The following ADAMTSL1 variants were observed in gnomAD, a reference collection of about 807,000 sequenced individuals.
The protein encoded by ADAMTSL1 is ADAMTS-like protein 1.
A neutral mutation model predicts 201.8 loss-of-function variants in ADAMTSL1; 126 were observed. That is an observed-to-expected ratio of 0.62 (90% CI 0.54 to 0.72). The LOEUF is 0.72. Ranked by LOEUF, ADAMTSL1 falls within the 30% of genes least tolerant of loss-of-function variation. ADAMTSL1 has a pLI of 0.00. For missense variants in ADAMTSL1, 2,679 were observed against 2,277.8 expected (o/e 1.18, Z -3.59); for synonymous variants, 1,121 against 903.4 (o/e 1.24, Z -4.32).
At chr9:17,932,734 G>C (rs539938703) in intron 1 of ADAMTSL1, among the ~76,000 whole-genome samples, 1 of 152,130 alleles carries the variant, frequency 6.6e-6, no homozygotes, top group African/African-American at 2.4e-5. Flanking sequence ...TTTTCATTTT[G>C]AATACAGTGA....
At chr9:18,716,601 A>T (rs1832954907) in intron 14 of ADAMTSL1, among the ~76,000 whole-genome samples, 1 of 137,874 alleles carries the variant, frequency 7.3e-6, no homozygotes. Context: ...GGTGCTGGAG[A>T]GGATGTGGAG....
intron 3 of ADAMTSL1, among the ~76,000 whole-genome samples, chr9:18,539,715 T>C (rs1263107192): frequency 6.6e-6 from 1 of 152,220 alleles, no homozygotes; most frequent in Non-Finnish European, 1.5e-5. Context: ...TTCCAGGCTT[T>C]GGGATGTAGT....
intron 2 of ADAMTSL1, among the ~76,000 whole-genome samples, chr9:18,242,291 G>C (rs550907845): frequency 6.6e-6 from 1 of 152,024 alleles, no homozygotes; most frequent in Non-Finnish European, 1.5e-5. Flanking sequence ...TGCAGAAAAA[G>C]CATTCAACAA....
intron 2 of ADAMTSL1, among the ~76,000 whole-genome samples, chr9:18,530,701 C>G (rs528005857): frequency 2.6e-5 from 4 of 152,170 alleles, no homozygotes; most frequent in Admixed American, 1.3e-4. Flanking sequence ...CTAACATCTA[C>G]ATAATGCTTA....
intron 14 of ADAMTSL1, 76 bp from the exon 15 acceptor site, chr9:18,721,460 G>A (rs1833364389): frequency 6.4e-7 from 1 of 1,567,472 alleles, no homozygotes; most frequent in Non-Finnish European, 8.7e-7. Flanking sequence ...CCCACCAGCT[G>A]CCTTGTCTAC....
At chr9:17,921,670 T>TG (rs1826307067) in intron 1 of ADAMTSL1, among the ~76,000 whole-genome samples, 1 of 152,128 alleles carries the variant, frequency 6.6e-6, no homozygotes, top group Admixed American at 6.5e-5. Context: ...AATAAGACAC[T>TG]GGTCAGAATT....
chr9:18,193,205 A>G (rs1829041064), intron 2 of ADAMTSL1, among the ~76,000 whole-genome samples: 1 of 152,198 alleles, frequency 6.6e-6, no homozygotes, highest in African/African-American at 2.4e-5. Flanking sequence ...AAACTCAAGA[A>G]TCACTACAGG....
intron 23 of ADAMTSL1, among the ~76,000 whole-genome samples, chr9:18,843,063 C>G (rs1418312558): frequency 6.6e-6 from 1 of 151,736 alleles, no homozygotes; most frequent in Non-Finnish European, 1.5e-5. Context: ...ATGTGTGAAT[C>G]TGATCCTGTC....
At chr9:18,828,789 T>A (rs755732908) in intron 22 of ADAMTSL1, among the ~76,000 whole-genome samples, 3 of 149,802 alleles carry the variant, frequency 2.0e-5, no homozygotes, top group African/African-American at 4.9e-5. Flanking sequence ...TCTTTGTCAG[T>A]CAGACAGAAA....
chr9:18,225,198 G>C (rs1434897311), intron 2 of ADAMTSL1, among the ~76,000 whole-genome samples: 3 of 152,068 alleles, frequency 2.0e-5, no homozygotes, highest in Non-Finnish European at 2.9e-5. Context: ...TCTGCTTTCA[G>C]GCTGGTCCAC....
In ADAMTSL1 at chr9:18,542,570, G is replaced by A. The variant is rs1049187103; in HGVS notation, c.237+9278G>A. On this transcript the variant is annotated intron_variant, in intron 3 of 28. Transcript: ENST00000380548. Reference sequence around the variant, plus strand: ...ATATTAGGATGCAGACACACAGAGAGAAGACATGTGAAGACACAGAAGAAG... The same window carrying A: ...ATATTAGGATGCAGACACACAGAGAAAAGACATGTGAAGACACAGAAGAAG... 1.4e-4 allele frequency among the ~76,000 whole-genome samples: 22 copies of A among 152,174 alleles called. 1 individual carries two copies. The highest frequency in any genetic ancestry group is 1.4e-3 in the Admixed American group (21 of 15,274).
Position 18,797,770 on chromosome 9 carries a change from G to C in ADAMTSL1, c.3805+2246G>C, listed in dbSNP as rs538990838. Among the ~76,000 whole-genome samples the C allele has an allele frequency of 1.2e-3, 176 of 152,300 alleles. 1 individual carries two copies. The highest frequency in any genetic ancestry group is 4.0e-3 in the African/African-American group (166 of 41,568). On this transcript the variant is annotated intron_variant, in intron 20 of 28. Coordinates refer to ENST00000380548, the MANE Select transcript of ADAMTSL1 (RefSeq NM_001040272.6). Reference sequence around the variant, plus strand: ...TTTTACAGGGTTGTTGTGAGGTTAAGTAAGATTGCACGTGTGAAAAAGCAC... The same window carrying C: ...TTTTACAGGGTTGTTGTGAGGTTAACTAAGATTGCACGTGTGAAAAAGCAC...
chr9:18,416,299 G>C (rs7875066), intron 2 of ADAMTSL1, among the ~76,000 whole-genome samples: 1 of 151,864 alleles, frequency 6.6e-6, no homozygotes, highest in East Asian at 1.9e-4. Context: ...AAGTTGAAGA[G>C]ATATACTATA....
intron 1 of ADAMTSL1, among the ~76,000 whole-genome samples, chr9:18,476,562 G>T (rs1422333590): frequency 6.6e-6 from 1 of 152,148 alleles, no homozygotes. Context: ...AAGAGATTGT[G>T]ACCTTTAGCC....
chr9:18,357,066 G>A (rs1836281036), intron 2 of ADAMTSL1, among the ~76,000 whole-genome samples: 1 of 152,058 alleles, frequency 6.6e-6, no homozygotes, highest in Non-Finnish European at 1.5e-5. Context: ...CATCTCTAAA[G>A]CCTACACACA....
At chr9:18,234,714 TA>T (rs1332903651) in intron 2 of ADAMTSL1, among the ~76,000 whole-genome samples, 3 of 152,208 alleles carry the variant, frequency 2.0e-5, no homozygotes, top group Non-Finnish European at 4.4e-5. Context: ...GGAGTGTTTT[TA>T]AAATGTAACA....
At chr9:18,556,458 T>C (rs1053664937) in intron 3 of ADAMTSL1, among the ~76,000 whole-genome samples, 3 of 152,074 alleles carry the variant, frequency 2.0e-5, no homozygotes, top group South Asian at 4.1e-4. Flanking sequence ...TCCCCTTCTT[T>C]ACCTTTATCT....
intron 2 of ADAMTSL1, among the ~76,000 whole-genome samples, chr9:18,307,381 A>G (rs979293750): frequency 2.0e-5 from 3 of 152,154 alleles, no homozygotes; most frequent in Non-Finnish European, 2.9e-5. Flanking sequence ...AAATGCCCCA[A>G]TTAAGACACA....
At chr9:17,961,136 A>T (rs926636445) in intron 1 of ADAMTSL1, among the ~76,000 whole-genome samples, 1 of 152,186 alleles carries the variant, frequency 6.6e-6, no homozygotes, top group South Asian at 2.1e-4. Flanking sequence ...GGTTCTAGGT[A>T]TATACTTGGG....
Sources: allele counts gnomAD v4.1 joint callset (sites outside exome capture counted in the v4.1 genomes callset), GRCh38; gene constraint gnomAD v4.1.1; transcripts MANE v1.5; gene names NCBI Gene and HGNC (gene_info 2026-07-23, HGNC 2026-07-21).